The following ERN1 variants were observed in gnomAD, a reference collection of about 807,000 sequenced individuals.
ERN1 encodes endoplasmic reticulum to nucleus signaling 1, also known as serine/threonine-protein kinase/endoribonuclease IRE1.
ERN1 carries 39 observed loss-of-function variants against 113.1 expected under a neutral mutation model. That is an observed-to-expected ratio of 0.34 (90% confidence interval 0.27 to 0.45). The LOEUF is 0.45. ERN1 is among the 20% of genes least tolerant of loss of function. The pLI is 1.00. For missense variants in ERN1, 976 were observed against 1,274.8 expected (o/e 0.77, Z 3.57); for synonymous variants, 507 against 515.9 (o/e 0.98, Z 0.23).
At chr17:64,057,393 TCGCC>T (rs1176507681) in intron 12 of ERN1, among the ~76,000 whole-genome samples, 29 of 1,628 alleles carry the variant, frequency 0.018, no homozygotes, top group South Asian at 0.1. Flanking sequence ...TCTTGCTCTG[TCGCC>T]TTGCTCTGTC....
chr17:64,123,568 T>C (rs1166805893), intron 1 of ERN1, among the ~76,000 whole-genome samples: 1 of 152,090 alleles, frequency 6.6e-6, no homozygotes, highest in Non-Finnish European at 1.5e-5. Flanking sequence ...ATAAAAACAA[T>C]TTAAGGTTAG....
chr17:64,115,495 T>C (rs1914781158), intron 1 of ERN1, among the ~76,000 whole-genome samples: 1 of 152,172 alleles, frequency 6.6e-6, no homozygotes, highest in South Asian at 2.1e-4. Flanking sequence ...ATGGCCGAAC[T>C]TCCCGAAAGC....
chr17:64,042,513 CTG>C lies in ERN1; in HGVS notation c.*1473_*1474del, dbSNP rs1912372042. 6.6e-6 allele frequency: 1 copy of C among 152,184 alleles called. No homozygotes were observed. Among genetic ancestry groups the C allele is most frequent in the African/African-American group, 2.4e-5 (1 of 41,432 alleles). The allele number at this position is 152,184 out of a possible 1,614,324, so 9.4% of individuals were successfully genotyped here. On this transcript the variant is annotated 3_prime_UTR_variant, in exon 22 of 22. Transcript: ENST00000433197. ...CCATTCTTAATACTGAATGGAATCT[CTG>C]AGTTCACCAGGCCTGAGCTGCAATG...
intron 2 of ERN1, among the ~76,000 whole-genome samples, chr17:64,092,387 CT>C (rs1914117535): frequency 6.6e-6 from 1 of 152,116 alleles, no homozygotes; most frequent in Non-Finnish European, 1.5e-5. Context: ...ATAAAATTGT[CT>C]TCAAATTTCA....
chr17:64,067,021 G>A, intron 7 of ERN1, 89 bp from the exon 8 acceptor site: 1 of 1,406,502 alleles, frequency 7.1e-7, no homozygotes, highest in Non-Finnish European at 9.8e-7. Context: ...TAGTCACTCA[G>A]TTAGAGGAAA....
At chr17:64,084,710 G>T (rs554264629) in intron 2 of ERN1, among the ~76,000 whole-genome samples, 3 of 152,240 alleles carry the variant, frequency 2.0e-5, no homozygotes, top group Admixed American at 6.5e-5. Context: ...CTCAGTGAAG[G>T]CCAGTGTTTA....
Position 64,042,317 on chromosome 17 carries a change from C to T in ERN1, c.*1671G>A, listed in dbSNP as rs1022964975. ...GATGAGATTTAAGGATGTAGGATCA[C>T]GTTAATAGTAGGGAAAAAAGTCACT... On this transcript the variant is annotated 3_prime_UTR_variant, in exon 22 of 22. Transcript: ENST00000433197. 6 of 151,942 alleles carry T rather than the reference C, an allele frequency of 3.9e-5. No individual in the cohort carries two copies. The highest frequency in any genetic ancestry group is 1.5e-4 in the African/African-American group (6 of 41,316). 9.4% of individuals were successfully genotyped at this position (151,942 alleles called of 1,614,324 possible). A position where few individuals can be genotyped will look rare whatever the true frequency, so the allele number is the denominator to read the frequency against.
intron 4 of ERN1, among the ~76,000 whole-genome samples, chr17:64,079,140 T>C (rs1913688802): frequency 6.6e-6 from 1 of 152,128 alleles, no homozygotes; most frequent in Non-Finnish European, 1.5e-5. Context: ...CTTAGATCAA[T>C]TAAATCGGGA....
At position 64,071,880 on chromosome 17, in the gene ERN1, A is replaced by G. The variant is rs1913431300; in HGVS notation, c.478+101T>C. 6 of 1,331,778 alleles carry G rather than the reference A, an allele frequency of 4.5e-6. No homozygotes were observed. In the East Asian group the frequency reaches 1.5e-4, roughly 33 times the overall value. 82.5% of individuals were successfully genotyped at this position (1,331,778 alleles called of 1,614,324 possible). A position where few individuals can be genotyped will look rare whatever the true frequency, so the allele number is the denominator to read the frequency against. ...ATGACATGATGGGACCTGTGTTTGG[A>G]AAAAAGCAGCTCTGGCCACCTTCTA... On this transcript the variant is annotated intron_variant, in intron 6 of 21. Coordinates refer to ENST00000433197, the MANE Select transcript of ERN1 (RefSeq NM_001433.5).
chr17:64,047,842 G>T lies in ERN1; in HGVS notation c.2529+16C>A. 6.3e-7 allele frequency: 1 copy of T among 1,592,100 alleles called. No homozygotes were observed. Among genetic ancestry groups the T allele is most frequent in the Non-Finnish European group, 8.6e-7 (1 of 1,168,670 alleles). ...ATTAAATGAAGACTCTGGATAAAGA[G>T]AACAGACGTCTCTACCTGGAAGAAC... On this transcript the variant is annotated intron_variant, in intron 19 of 21. Coordinates refer to ENST00000433197, the MANE Select transcript of ERN1 (RefSeq NM_001433.5).
At chr17:64,086,427 A>G (rs925838977) in intron 2 of ERN1, among the ~76,000 whole-genome samples, 4 of 152,186 alleles carry the variant, frequency 2.6e-5, no homozygotes, top group Middle Eastern at 3.4e-3. Flanking sequence ...AAATTCATCC[A>G]TATTGTTGTA....
At chr17:64,074,938 G>A in intron 5 of ERN1, 1 of 503,548 alleles carries the variant, frequency 2.0e-6, no homozygotes, top group Non-Finnish European at 3.5e-6. Context: ...AGTCAACACA[G>A]CAACTAAAAG....
rs1172832163 is a variant in ERN1 at position 64,045,453 on chromosome 17, G to A, written c.2559C>T (p.Ser853=). 5 of 1,613,800 alleles carry A rather than the reference G, an allele frequency of 3.1e-6. No homozygotes were observed. In the African/African-American group the frequency reaches 4.0e-5, roughly 13 times the overall value. The change falls in exon 20 of 22, where the codon TCC becomes TCT. Residue 853 remains serine, a synonymous_variant. Transcript: ENST00000433197. ...ACTGCTTCACGATCGGGCCATCCAG[G>A]GATTCCTTTTCTATTCTGTCGCTCA... ...QDVSDRIEKE[S]LDGPIVKQLE... is the part of the protein sequence containing the mutation.
intron 1 of ERN1, among the ~76,000 whole-genome samples, chr17:64,114,088 A>T (rs1598088246): frequency 1.4e-5 from 2 of 143,696 alleles, no homozygotes. Flanking sequence ...AAAAAAAAAA[A>T]GCTTTTGCAA....
At chr17:64,129,283 T>C (rs908093174) in intron 1 of ERN1, 22 of 152,172 alleles carry the variant, frequency 1.4e-4, no homozygotes, top group African/African-American at 5.1e-4. Context: ...CATTTGAGGT[T>C]CTGAAGCGGC....
At chr17:64,105,521 T>C (rs191892636) in intron 1 of ERN1, among the ~76,000 whole-genome samples, 1 of 152,194 alleles carries the variant, frequency 6.6e-6, no homozygotes, top group Non-Finnish European at 1.5e-5. Context: ...TAAAAATTTG[T>C]TTTAGGAATA....
At chr17:64,072,556 A>T (rs963528413) in intron 5 of ERN1, among the ~76,000 whole-genome samples, 4 of 152,232 alleles carry the variant, frequency 2.6e-5, no homozygotes, top group African/African-American at 9.6e-5. Context: ...TGTGAGAAGG[A>T]TCCACAGTTA....
Position 64,043,956 on chromosome 17 carries a change from T to G in ERN1, c.*32A>C. On this transcript the variant is annotated 3_prime_UTR_variant, in exon 22 of 22. Transcript: ENST00000433197. ...TGGTGACCAGGCCCTCAGTCACAGCTGGGGCCACCAGAACAGAGGGGCCGC... is the reference window on the plus strand; with the variant it reads ...TGGTGACCAGGCCCTCAGTCACAGCGGGGGCCACCAGAACAGAGGGGCCGC... The G allele has an allele frequency of 6.9e-7, 1 of 1,458,104 alleles. No individual in the cohort carries two copies. Among genetic ancestry groups the G allele is most frequent in the East Asian group, 2.3e-5 (1 of 43,936 alleles). The allele number at this position is 1,458,104 out of a possible 1,614,324, so 90.3% of individuals were successfully genotyped here.
At chr17:64,062,513 T>G (rs1032192636) in intron 10 of ERN1, among the ~76,000 whole-genome samples, 1 of 152,260 alleles carries the variant, frequency 6.6e-6, no homozygotes, top group Non-Finnish European at 1.5e-5. Context: ...TTACACTTAA[T>G]AGATTCCTTA....
Sources: allele counts gnomAD v4.1 joint callset (sites outside exome capture counted in the v4.1 genomes callset), GRCh38; gene constraint gnomAD v4.1.1; transcripts MANE v1.5; gene names NCBI Gene and HGNC (gene_info 2026-07-23, HGNC 2026-07-21).